The following EFCAB8 variants were observed in gnomAD, a reference collection of about 807,000 sequenced individuals.
EFCAB8 encodes EF-hand calcium binding domain 8.
EFCAB8 carries 100 observed loss-of-function variants against 116.3 expected under a neutral mutation model. The observed-to-expected ratio is 0.86, with a 90% CI of 0.73 to 1.02. The LOEUF is 1.02. Ranked by LOEUF, EFCAB8 falls within the 50% of genes least tolerant of loss-of-function variation. The probability of loss-of-function intolerance (pLI) is 0.00; values close to 1 mark genes in which losing one functional copy is unlikely to be tolerated. For synonymous variants in EFCAB8, 558 were observed against 567.9 expected (o/e 0.98, Z 0.25); for missense variants, 1,320 against 1,416.9 (o/e 0.93, Z 1.10).
chr20:32,891,636 C>A (rs1985917555), intron 7 of EFCAB8, among the ~76,000 whole-genome samples: 1 of 152,326 alleles, frequency 6.6e-6, no homozygotes, highest in East Asian at 1.9e-4. Flanking sequence ...ACAGTGTGAT[C>A]CCCGGCCTTT....
intron 23 of EFCAB8, among the ~76,000 whole-genome samples, chr20:32,953,552 G>A (rs1338361525): frequency 1.3e-5 from 2 of 152,042 alleles, no homozygotes; most frequent in Non-Finnish European, 2.9e-5. Flanking sequence ...TTGTGGTTTT[G>A]ATCTGCAGTT....
At chr20:32,908,872 G>A (rs1986798087) in intron 14 of EFCAB8, among the ~76,000 whole-genome samples, 1 of 152,210 alleles carries the variant, frequency 6.6e-6, no homozygotes, top group African/African-American at 2.4e-5. Context: ...GTGGGAAACT[G>A]AGTCACAGAT....
chr20:32,873,951 T>G (rs1984815921), intron 3 of EFCAB8, among the ~76,000 whole-genome samples: 1 of 151,996 alleles, frequency 6.6e-6, no homozygotes, highest in South Asian at 2.1e-4. Flanking sequence ...GACAGGGTCT[T>G]ACTCTGTTAT....
intron 11 of EFCAB8, among the ~76,000 whole-genome samples, chr20:32,905,922 T>C (rs958285118): frequency 6.6e-6 from 1 of 152,072 alleles, no homozygotes; most frequent in African/African-American, 2.4e-5. Context: ...TGCCATATTT[T>C]GGGGTAGCAT....
chr20:32,872,626 C>A lies in EFCAB8; in HGVS notation c.209-3300C>A, dbSNP rs112011712. On this transcript the variant is annotated intron_variant, in intron 3 of 26. Transcript: ENST00000400522. ...CTGGCCAACATGGTGAAACCCTGTCCCTACTAAAAATACAAAAATTAGCTG... is the reference window on the plus strand; with the variant it reads ...CTGGCCAACATGGTGAAACCCTGTCACTACTAAAAATACAAAAATTAGCTG... Among the ~76,000 whole-genome samples the A allele has an allele frequency of 2.1e-5, 3 of 144,726 alleles. No homozygotes were observed. In the East Asian group the frequency reaches 6.1e-4, roughly 29 times the overall value. 94.9% of individuals were successfully genotyped at this position (144,726 alleles called of 152,430 possible). A position where few individuals can be genotyped will look rare whatever the true frequency, so the allele number is the denominator to read the frequency against.
intron 5 of EFCAB8, among the ~76,000 whole-genome samples, chr20:32,884,626 T>C (rs6141354): frequency 0.62 from 93,931 of 152,066 alleles, 29,943 homozygotes; most frequent in Middle Eastern, 0.75. Flanking sequence ...AGACCAGGCC[T>C]ACCGGATTTG....
In EFCAB8 at chr20:32,931,188, T is replaced by C. The variant is rs928478642; in HGVS notation, c.2642T>C (p.Ile881Thr). 5 of 1,543,730 alleles carry C rather than the reference T, an allele frequency of 3.2e-6. No individual in the cohort carries two copies. Among genetic ancestry groups the C allele is most frequent in the African/African-American group, 1.4e-5 (1 of 72,870 alleles). Reference sequence around the variant, plus strand: ...ACACTTTATGTCTAGATCTGGGACATCAAGGATTACTGCGCATTGATTGAT... The same window carrying C: ...ACACTTTATGTCTAGATCTGGGACACCAAGGATTACTGCGCATTGATTGAT... ...DCKGYIKIWD[I>T]KDYCALIDKQ... The change falls in exon 22 of 27, where the codon ATC becomes ACC. Residue 881 changes from isoleucine to threonine, a missense_variant. By Grantham distance (89) the Ile-to-Thr change is moderately conservative. Coordinates refer to ENST00000400522, the MANE Select transcript of EFCAB8 (RefSeq NM_001143967.2).
At chr20:32,869,801 A>G (rs1467211597) in intron 3 of EFCAB8, among the ~76,000 whole-genome samples, 2 of 152,156 alleles carry the variant, frequency 1.3e-5, no homozygotes, top group African/African-American at 4.8e-5. Flanking sequence ...ACTTAATGCT[A>G]ATATCCTAAG....
At position 32,948,570 on chromosome 20, in the gene EFCAB8, A is replaced by AAGAAAGAAAG. The variant is rs1555871352; in HGVS notation, c.2959+4768_2959+4777dup. Among the ~76,000 whole-genome samples, 1,468 of 149,778 alleles carry AAGAAAGAAAG rather than the reference A, an allele frequency of 9.8e-3. 36 individuals carry two copies. The highest frequency in any genetic ancestry group is 0.036 in the African/African-American group (1,420 of 39,706). On this transcript the variant is annotated intron_variant, in intron 23 of 26. Coordinates refer to ENST00000400522, the MANE Select transcript of EFCAB8 (RefSeq NM_001143967.2). ...AAAGAAAGAAAGAAAGAAAGAAAGA[A>AAGAAAGAAAG]AGAAAGAAAGAAAAGAAAGGAAAAG... is the stretch of plus-strand genomic sequence containing the variant.
At chr20:32,919,965 C>CA (rs1229095161) in intron 19 of EFCAB8, 113 bp from the exon 20 acceptor site, 1 of 1,355,570 alleles carries the variant, frequency 7.4e-7, no homozygotes, top group African/African-American at 1.5e-5. Context: ...GCCAGTGTAC[C>CA]TACTGCGGGG....
chr20:32,944,113 C>T (rs1600458932), intron 23 of EFCAB8, among the ~76,000 whole-genome samples: 1 of 151,974 alleles, frequency 6.6e-6, no homozygotes, highest in Admixed American at 6.6e-5. Flanking sequence ...AACATACAAA[C>T]CAGAAGGGTT....
At chr20:32,909,704 T>A in intron 14 of EFCAB8, 117 bp from the exon 15 acceptor site, 1 of 448,304 alleles carries the variant, frequency 2.2e-6, no homozygotes, top group Non-Finnish European at 3.8e-6. Flanking sequence ...GAATCAGGCC[T>A]GCGTGTGGTC....
intron 7 of EFCAB8, among the ~76,000 whole-genome samples, chr20:32,891,324 C>T (rs1985901605): frequency 6.6e-6 from 1 of 152,096 alleles, no homozygotes; most frequent in African/African-American, 2.4e-5. Context: ...TCTGCTGGGC[C>T]CGTGTTTGTT....
chr20:32,928,244 T>TA (rs1353661185), intron 20 of EFCAB8, among the ~76,000 whole-genome samples: 2 of 140,822 alleles, frequency 1.4e-5, no homozygotes, highest in Non-Finnish European at 3.2e-5. Flanking sequence ...TTTTTTATTT[T>TA]TTTTTTTTTG....
intron 1 of EFCAB8, among the ~76,000 whole-genome samples, chr20:32,859,343 T>C (rs1050742599): frequency 1.3e-5 from 2 of 152,218 alleles, no homozygotes; most frequent in Admixed American, 1.3e-4. Flanking sequence ...TGATCTGACC[T>C]GTTCTCCAAT....
intron 9 of EFCAB8, among the ~76,000 whole-genome samples, chr20:32,893,787 C>T (rs1429854191): frequency 1.3e-5 from 2 of 152,120 alleles, no homozygotes; most frequent in African/African-American, 4.8e-5. Flanking sequence ...TGAGTGGGCA[C>T]AGCTGAGTCT....
intron 12 of EFCAB8, 91 bp downstream of exon 12, chr20:32,906,720 A>G (rs2146236752): frequency 1.4e-6 from 1 of 721,006 alleles, no homozygotes; most frequent in East Asian, 2.7e-5. Flanking sequence ...GCTGCACAGC[A>G]TCTGGCCTCT....
At chr20:32,865,323 G>A (rs538917517) in intron 2 of EFCAB8, among the ~76,000 whole-genome samples, 9 of 151,958 alleles carry the variant, frequency 5.9e-5, no homozygotes, top group Admixed American at 4.6e-4. Flanking sequence ...GGAGACACAC[G>A]TGAGTAAGCA....
chr20:32,886,285 G>A (rs1007685379), intron 6 of EFCAB8, among the ~76,000 whole-genome samples: 3 of 152,208 alleles, frequency 2.0e-5, no homozygotes, highest in African/African-American at 7.2e-5. Flanking sequence ...CACGCAGCAA[G>A]TCCCTGCTGG....
Sources: allele counts gnomAD v4.1 joint callset (sites outside exome capture counted in the v4.1 genomes callset), GRCh38; gene constraint gnomAD v4.1.1; transcripts MANE v1.5; gene names NCBI Gene and HGNC (gene_info 2026-07-23, HGNC 2026-07-21).